The following FARP2 variants were observed in gnomAD, a reference collection of about 807,000 sequenced individuals.
The protein encoded by FARP2 is FERM, ARH/RhoGEF and pleckstrin domain protein 2.
Under a neutral mutation model 130.5 loss-of-function variants are expected in FARP2, and 111 were observed. The ratio of observed to expected loss-of-function variants is 0.85; its 90% confidence interval spans 0.73 to 1.00. The LOEUF (loss-of-function observed/expected upper bound fraction) is 1.00. Ranked by LOEUF, FARP2 falls within the 50% of genes least tolerant of loss-of-function variation. The pLI, the probability that FARP2 is intolerant of heterozygous loss-of-function variation, is 0.00. For synonymous variants in FARP2, 504 were observed against 516.9 expected (o/e 0.98, Z 0.34); for missense variants, 1,385 against 1,346.3 (o/e 1.03, Z -0.45).
intron 8 of FARP2, among the ~76,000 whole-genome samples, chr2:241,421,096 A>G (rs1339246853): frequency 1.3e-5 from 2 of 152,190 alleles, no homozygotes; most frequent in Non-Finnish European, 2.9e-5. Context: ...CCCCATCCCC[A>G]GCCAAGAGAA....
At position 241,407,551 on chromosome 2, in the gene FARP2, G is replaced by A. The variant is rs1428784868; in HGVS notation, c.346G>A (p.Val116Met). The change falls in exon 5 of 27, where the codon GTG (valine) becomes ATG (methionine). Residue 116 changes from valine to methionine, a missense_variant. By Grantham distance (21) the Val-to-Met change is conservative (BLOSUM62 1). Coordinates refer to ENST00000264042, the MANE Select transcript of FARP2 (RefSeq NM_014808.4). ...IRQIRRPKNV[V>M]LRLAVKFFPP... ...TTTTGTTATAGGGCCAAAGAATGTG[G>A]TGCTTCGCCTAGCTGTAAAATTTTT... 2 of 1,614,000 alleles carry A rather than the reference G, an allele frequency of 1.2e-6. No individual in the cohort carries two copies. Among genetic ancestry groups the A allele is most frequent in the Middle Eastern group, 1.6e-4 (1 of 6,062 alleles).
rs1400474266 is a variant in FARP2, at chr2:241,471,685, C to T, written c.2131+3308C>T. ...ATTTTTTTTGTATTTTTAATAGAGA[C>T]GGGGTTTCACCGTGTTAGCCAGGAT... On this transcript the variant is annotated intron_variant, in intron 18 of 26. Coordinates refer to ENST00000264042, the MANE Select transcript of FARP2 (RefSeq NM_014808.4). Among the ~76,000 whole-genome samples the T allele has an allele frequency of 7.9e-5, 12 of 151,814 alleles. No individual in the cohort carries two copies. In the South Asian group the frequency reaches 8.3e-4, roughly 11 times the overall value.
At chr2:241,453,199 G>T (rs574379154) in intron 13 of FARP2, among the ~76,000 whole-genome samples, 3 of 151,378 alleles carry the variant, frequency 2.0e-5, no homozygotes, top group East Asian at 2.0e-4. Flanking sequence ...GCATGGTGGC[G>T]TGCATCTCTA....
In FARP2 at chr2:241,411,090, T is replaced by C. The variant is rs141000809; in HGVS notation, c.468T>C (p.Ala156=). The C allele has an allele frequency of 4.3e-6, 7 of 1,612,600 alleles. No individual in the cohort carries two copies. Among genetic ancestry groups the C allele is most frequent in the Non-Finnish European group, 5.9e-6 (7 of 1,179,250 alleles). ...RDLLEERLTC[A]DTTAALLTSH... is the part of the protein sequence containing the mutation. ...TGCTGGAAGAGCGTTTGACCTGTGC[T>C]GACACCACAGCGGCCCTTCTCACGT... Residue 156 remains alanine (A), a synonymous_variant, in exon 6 of 27, where the codon GCT becomes GCC. Transcript: ENST00000264042.
chr2:241,468,041 G>A lies in FARP2; in HGVS notation c.1894-99G>A, dbSNP rs912197396. 7.1e-6 allele frequency: 6 copies of A among 848,214 alleles called. No individual in the cohort carries two copies. The Admixed American group carries it at 1.1e-4, about 15-fold the overall frequency. The allele number at this position is 848,214 out of a possible 1,614,324, so 52.5% of individuals were successfully genotyped here. ...GGCCACTGGTCCATTTGCCCTGTGG[G>A]GATTTCCAGCCGGCACCTGCCATCA... On this transcript the variant is annotated intron_variant, in intron 17 of 26. Transcript: ENST00000264042.
rs1254321621 is a variant in FARP2, at chr2:241,453,768, GGTT to G, written c.1412-2978_1412-2976del. On this transcript the variant is annotated intron_variant, in intron 13 of 26. Coordinates refer to ENST00000264042, the MANE Select transcript of FARP2 (RefSeq NM_014808.4). ...TTGTTTACTGGGAGTGGCACTTACTGGTTTTTTTTTTTTTTTTTTTTTTTTTTT... is the reference window on the plus strand; with the variant it reads ...TTGTTTACTGGGAGTGGCACTTACTGTTTTTTTTTTTTTTTTTTTTTTTTT... Among the ~76,000 whole-genome samples, 470 of 99,852 alleles carry G rather than the reference GGTT, an allele frequency of 4.7e-3. 64 individuals are homozygous for G. Among genetic ancestry groups the G allele is most frequent in the African/African-American group, 0.013 (317 of 25,054 alleles). 65.5% of individuals were successfully genotyped at this position (99,852 alleles called of 152,430 possible).
At chr2:241,369,834 A>G (rs1330583344) in intron 1 of FARP2, among the ~76,000 whole-genome samples, 3 of 152,216 alleles carry the variant, frequency 2.0e-5, no homozygotes, top group Non-Finnish European at 4.4e-5. Context: ...TGAGCTGACC[A>G]AGAACATATA....
intron 8 of FARP2, 110 bp downstream of exon 8, chr2:241,418,219 G>GCCTCGATTTGGA (rs2062726137): frequency 8.7e-7 from 1 of 1,153,158 alleles, no homozygotes; most frequent in East Asian, 2.4e-5. Flanking sequence ...ATGAGTACGG[G>GCCTCGATTTGGA]CCTCGATTTG....
chr2:241,404,149 C>G (rs2062269774), intron 3 of FARP2, among the ~76,000 whole-genome samples: 1 of 152,188 alleles, frequency 6.6e-6, no homozygotes, highest in South Asian at 2.1e-4. Flanking sequence ...TGAGGAAACT[C>G]TCTTAAAAGG....
At position 241,466,517 on chromosome 2, in the gene FARP2, C is replaced by T. The variant is rs1016737724; in HGVS notation, c.1894-1623C>T. 11 of 985,450 alleles carry T rather than the reference C, an allele frequency of 1.1e-5. No homozygotes were observed. The South Asian group carries it at 3.8e-4, about 34-fold the overall frequency. The allele number at this position is 985,450 out of a possible 1,614,324, so 61.0% of individuals were successfully genotyped here. On this transcript the variant is annotated intron_variant, in intron 17 of 26. Transcript: ENST00000264042. ...GGCCCGGCCCTGCCACAGAGAGGGA[C>T]CCCAGCCCATCATGGGCATCGGCAG... is the stretch of plus-strand genomic sequence containing the variant.
intron 6 of FARP2, among the ~76,000 whole-genome samples, chr2:241,412,955 A>G (rs2150364045): frequency 6.6e-6 from 1 of 152,194 alleles, no homozygotes; most frequent in African/African-American, 2.4e-5. Context: ...TTGAGTCCAG[A>G]AGGTTGAGGC....
At chr2:241,432,854 G>T (rs898110592) in intron 9 of FARP2, among the ~76,000 whole-genome samples, 2 of 152,226 alleles carry the variant, frequency 1.3e-5, no homozygotes, top group African/African-American at 4.8e-5. Context: ...GGCCATGCCT[G>T]TGTCAGCCCA....
chr2:241,413,166 T>TA, intron 6 of FARP2, 141 bp from the exon 7 acceptor site: 3 of 569,916 alleles, frequency 5.3e-6, no homozygotes, highest in African/African-American at 1.9e-5. Flanking sequence ...AAAAATTAAA[T>TA]AAAAAATCTT....
intron 23 of FARP2, 128 bp from the exon 24 acceptor site, chr2:241,491,388 A>G (rs2064903044): frequency 9.3e-7 from 1 of 1,071,040 alleles, no homozygotes; most frequent in Non-Finnish European, 1.4e-6. Flanking sequence ...GCTCTCAGCC[A>G]GCAGCTGGCC....
intron 20 of FARP2, 105 bp downstream of exon 20, chr2:241,483,638 T>A (rs1355984332): frequency 7.4e-7 from 1 of 1,344,280 alleles, no homozygotes; most frequent in Non-Finnish European, 1.1e-6. Flanking sequence ...TCTGGGTAGT[T>A]TAGCACTTGG....
intron 17 of FARP2, among the ~76,000 whole-genome samples, chr2:241,466,799 A>G (rs1237256680): frequency 6.6e-6 from 1 of 152,020 alleles, no homozygotes; most frequent in African/African-American, 2.4e-5. Context: ...TGAACTGTGA[A>G]TATTTTTAAC....
At chr2:241,406,002 T>C (rs1457371540) in intron 4 of FARP2, among the ~76,000 whole-genome samples, 1 of 152,014 alleles carries the variant, frequency 6.6e-6, no homozygotes, top group East Asian at 1.9e-4. Context: ...ATCATTTTTT[T>C]CCCTAAAACA....
At chr2:241,389,609 C>T (rs1313432956) in intron 2 of FARP2, among the ~76,000 whole-genome samples, 4 of 152,206 alleles carry the variant, frequency 2.6e-5, no homozygotes, top group Non-Finnish European at 4.4e-5. Flanking sequence ...CTCAAGGTTA[C>T]GCAGGAACTC....
At position 241,491,196 on chromosome 2, in the gene FARP2, A is replaced by AC; in HGVS notation, c.2623+23dup. 1.3e-6 allele frequency: 2 copies of AC among 1,572,108 alleles called. No homozygotes were observed. The highest frequency in any genetic ancestry group is 1.7e-5 in the Admixed American group (1 of 59,876). The stretch of plus-strand genomic sequence containing the variant: ...GTCCCCCCAGTGAGTGCTGGCCACA[A>AC]CCCCCCAGGAGACCTCCACTACACC... On this transcript the variant is annotated intron_variant, in intron 23 of 26. Transcript: ENST00000264042.
Sources: allele counts gnomAD v4.1 joint callset (sites outside exome capture counted in the v4.1 genomes callset), GRCh38; gene constraint gnomAD v4.1.1; transcripts MANE v1.5; gene names NCBI Gene and HGNC (gene_info 2026-07-23, HGNC 2026-07-21).